The following ABCC1 variants were observed in gnomAD, a reference collection of about 807,000 sequenced individuals.
ABCC1 encodes ATP binding cassette subfamily C member 1 (ABCC1 blood group), also known as multidrug resistance-associated protein 1.
ABCC1 carries 83 observed loss-of-function variants against 172.9 expected under a neutral mutation model. That is an observed-to-expected ratio of 0.48 (90% CI 0.40 to 0.58). The LOEUF (loss-of-function observed/expected upper bound fraction) is 0.58. Among genes scored for constraint, ABCC1 ranks in the 20% least tolerant of loss-of-function variants. ABCC1 has a pLI of 0.00. For synonymous variants in ABCC1, 937 were observed against 825.2 expected, an observed-to-expected ratio of 1.14 and a Z score of -2.32; for missense variants, 1,817 against 2,002.7, an observed-to-expected ratio of 0.91 and a Z score of 1.77.
At chr16:16,126,543 C>G (rs1041106723) in intron 26 of ABCC1, among the ~76,000 whole-genome samples, 1 of 152,102 alleles carries the variant, frequency 6.6e-6, no homozygotes, top group African/African-American at 2.4e-5. Context: ...GTCATCATGC[C>G]TGGCTAATTT....
chr16:15,977,430 G>T lies in ABCC1; in HGVS notation c.48+27631G>T, dbSNP rs45474798. 5.0e-3 allele frequency among the ~76,000 whole-genome samples: 756 copies of T among 152,222 alleles called. 6 individuals are homozygous for T. Among genetic ancestry groups the T allele is most frequent in the African/African-American group, 0.017 (712 of 41,534 alleles). ...TATTTTTATTTTTAACAGAGATGGG[G>T]TCTCACTGTGTTGCCGTCTGTTCTG... On this transcript the variant is annotated intron_variant, in intron 1 of 30. Transcript: ENST00000399410.
intron 1 of ABCC1, among the ~76,000 whole-genome samples, chr16:15,984,112 A>G (rs909679586): frequency 6.6e-6 from 1 of 152,164 alleles, no homozygotes; most frequent in African/African-American, 2.4e-5. Context: ...ATAGCAAAAG[A>G]TGAGCAGCCT....
In ABCC1 at chr16:16,091,651, C is replaced by T. The variant is rs1040589567; in HGVS notation, c.2644+1063C>T. Among the ~76,000 whole-genome samples, 6 of 151,982 alleles carry T rather than the reference C, an allele frequency of 3.9e-5. No homozygotes were observed. The East Asian group carries it at 9.6e-4, about 24-fold the overall frequency. ...GACCAGCATGAGCTCAATTTGTTTACAAAACAAAAAGGGTGGTGTGGCCAG... is the reference window on the plus strand; with the variant it reads ...GACCAGCATGAGCTCAATTTGTTTATAAAACAAAAAGGGTGGTGTGGCCAG... On this transcript the variant is annotated intron_variant, in intron 19 of 30. Coordinates refer to ENST00000399410, the MANE Select transcript of ABCC1 (RefSeq NM_004996.4).
chr16:16,134,084 C>G (rs114153138), intron 27 of ABCC1, among the ~76,000 whole-genome samples: 1 of 152,310 alleles, frequency 6.6e-6, no homozygotes, highest in African/African-American at 2.4e-5. Flanking sequence ...TCTGCCTCTT[C>G]TGTATCTCTT....
intron 1 of ABCC1, among the ~76,000 whole-genome samples, chr16:15,986,499 CGT>C (rs1313707216): frequency 6.6e-6 from 1 of 152,192 alleles, no homozygotes; most frequent in African/African-American, 2.4e-5. Flanking sequence ...TGAACCCTAA[CGT>C]GAACCGTGCA....
Position 16,056,386 on chromosome 16 carries a change from C to T in ABCC1, c.1677+91C>T, listed in dbSNP as rs2049656547. On this transcript the variant is annotated intron_variant, in intron 12 of 30. Coordinates refer to ENST00000399410, the MANE Select transcript of ABCC1 (RefSeq NM_004996.4). ...TATTTTTAAAAGGTCACTATGTTGC[C>T]CAGGTGCAGTGGCTCATGCTTGGTA... 4 of 1,432,328 alleles carry T rather than the reference C, an allele frequency of 2.8e-6. No homozygotes were observed. The Admixed American group carries it at 5.9e-5, about 21-fold the overall frequency. 88.7% of individuals were successfully genotyped at this position (1,432,328 alleles called of 1,614,324 possible).
intron 26 of ABCC1, among the ~76,000 whole-genome samples, chr16:16,127,670 G>A (rs939265753): frequency 6.6e-6 from 1 of 152,164 alleles, no homozygotes; most frequent in African/African-American, 2.4e-5. Flanking sequence ...ATGCTACCCG[G>A]CCTCCTGAGG....
intron 25 of ABCC1, 106 bp downstream of exon 25, chr16:16,125,021 G>A: frequency 6.6e-7 from 1 of 1,525,084 alleles, no homozygotes; most frequent in Non-Finnish European, 8.9e-7. Flanking sequence ...AGAGGAACTT[G>A]AGAGGTACGG....
At chr16:16,024,060 C>G (rs186627616) in intron 5 of ABCC1, among the ~76,000 whole-genome samples, 5 of 151,996 alleles carry the variant, frequency 3.3e-5, no homozygotes, top group East Asian at 3.9e-4. Context: ...CTCTACTGAT[C>G]ATAAAAAAAT....
At chr16:16,001,852 A>G (rs931664994) in intron 1 of ABCC1, among the ~76,000 whole-genome samples, 3 of 152,110 alleles carry the variant, frequency 2.0e-5, no homozygotes, top group Non-Finnish European at 4.4e-5. Flanking sequence ...ATGTTACTGT[A>G]GGCACCCTTT....
Position 16,115,032 on chromosome 16 carries a change from G to T in ABCC1, c.3346G>T (p.Ala1116Ser), listed in dbSNP as rs200039403. 1.9e-6 allele frequency: 3 copies of T among 1,614,046 alleles called. No homozygotes were observed. The highest frequency in any genetic ancestry group is 1.6e-4 in the Middle Eastern group (1 of 6,084). The change falls in exon 23 of 31, where the codon GCC becomes TCC. Residue 1116 changes from alanine (A) to serine (S), a missense_variant. By Grantham distance (99) the Ala-to-Ser change is moderately conservative. This residue lies in a region of ABCC1 where 1,412 missense variants were observed against 1,600.3 expected (regional missense o/e 0.88). Coordinates refer to ENST00000399410, the MANE Select transcript of ABCC1 (RefSeq NM_004996.4). ...TATCCTGCTGGCCACGCCCATCGCC[G>T]CCATCATCATCCCGCCCCTTGGCCT... ...IVILLATPIA[A>S]IIIPPLGLIY...
In ABCC1 at chr16:16,141,607, C is replaced by T. The variant is rs1056319054; in HGVS notation, c.*326C>T. On this transcript the variant is annotated 3_prime_UTR_variant, in exon 31 of 31. Coordinates refer to ENST00000399410, the MANE Select transcript of ABCC1 (RefSeq NM_004996.4). The stretch of plus-strand genomic sequence containing the variant: ...GCTTCCCACGGAGGAGTTTTGGCAG[C>T]CAGACTTCTGGAGGAATTGGTTGTA... 2.4e-5 allele frequency: 8 copies of T among 336,718 alleles called. No homozygotes were observed. Among genetic ancestry groups the T allele is most frequent in the Non-Finnish European group, 4.4e-5 (8 of 182,324 alleles). The allele number at this position is 336,718 out of a possible 1,614,324, so 20.9% of individuals were successfully genotyped here.
chr16:16,022,959 T>C (rs1194908123), intron 5 of ABCC1, among the ~76,000 whole-genome samples: 2 of 152,216 alleles, frequency 1.3e-5, no homozygotes, highest in African/African-American at 4.8e-5. Flanking sequence ...TCTCGCAGAC[T>C]AGAGTGCAGT....
At chr16:15,955,946 C>T (rs1339323415) in intron 1 of ABCC1, among the ~76,000 whole-genome samples, 1 of 152,076 alleles carries the variant, frequency 6.6e-6, no homozygotes, top group Non-Finnish European at 1.5e-5. Flanking sequence ...TGCTGATGCC[C>T]CATGTAGTTG....
intron 16 of ABCC1, among the ~76,000 whole-genome samples, chr16:16,081,748 G>A (rs944208716): frequency 1.3e-5 from 2 of 152,078 alleles, no homozygotes; most frequent in East Asian, 1.9e-4. Context: ...GGCTGGGCGC[G>A]GTGGCTCACA....
At chr16:16,024,884 A>G (rs1567324225) in intron 5 of ABCC1, among the ~76,000 whole-genome samples, 1 of 152,160 alleles carries the variant, frequency 6.6e-6, no homozygotes, top group East Asian at 1.9e-4. Context: ...TACAGCATCA[A>G]AAACCAGAAA....
At chr16:16,128,825 G>A (rs182128866) in intron 26 of ABCC1, among the ~76,000 whole-genome samples, 1 of 152,040 alleles carries the variant, frequency 6.6e-6, no homozygotes, top group Non-Finnish European at 1.5e-5. Context: ...GGTGAATCCC[G>A]TCTCTACTAA....
chr16:16,083,306 G>A, intron 16 of ABCC1, 60 bp from the exon 17 acceptor site: 1 of 1,550,978 alleles, frequency 6.4e-7, no homozygotes, highest in Non-Finnish European at 8.8e-7. Flanking sequence ...GCCAGCTGTT[G>A]TCTCGTTGAT....
At chr16:16,136,108 C>A in intron 28 of ABCC1, among the ~76,000 whole-genome samples, 1 of 151,576 alleles carries the variant, frequency 6.6e-6, no homozygotes, top group Non-Finnish European at 1.5e-5. Context: ...ACTGCAACTT[C>A]CGTCTCCCGG....
Sources: gnomAD v4.1 joint callset for allele counts (sites outside exome capture counted in the v4.1 genomes callset) on GRCh38, gnomAD v4.1.1 for gene constraint, gnomAD v4.1.1 regional missense constraint, MANE v1.5 for transcripts, NCBI Gene and HGNC (gene_info 2026-07-23, HGNC 2026-07-21) for gene names.